The following SNX29 variants were observed in gnomAD, a reference collection of about 807,000 sequenced individuals.
SNX29 encodes the protein sorting nexin-29.
SNX29 carries 78 observed loss-of-function variants against 102.1 expected under a neutral mutation model. The ratio of observed to expected loss-of-function variants is 0.76; its 90% CI spans 0.64 to 0.92. The LOEUF (loss-of-function observed/expected upper bound fraction) is 0.92, where lower values mean the gene tolerates loss of function less well. Ranked by LOEUF, SNX29 falls within the 40% of genes least tolerant of loss-of-function variation. SNX29 has a pLI of 0.00. For missense variants in SNX29, 1,280 were observed against 1,061.7 expected (o/e 1.21, Z -2.86); for synonymous variants, 580 against 414.5 (o/e 1.40, Z -4.85).
chr16:12,399,028 C>A (rs2083834099), intron 17 of SNX29, among the ~76,000 whole-genome samples: 1 of 152,098 alleles, frequency 6.6e-6, no homozygotes, highest in Non-Finnish European at 1.5e-5. Context: ...TCTGCTGAGC[C>A]ACCCATAGGG....
chr16:12,355,797 G>C (rs1438574421), intron 15 of SNX29, among the ~76,000 whole-genome samples: 4 of 139,886 alleles, frequency 2.9e-5, no homozygotes, highest in African/African-American at 1.1e-4. Context: ...GGGCTCTGGT[G>C]TCAGTTCCTT....
rs570576680 is a variant in SNX29, at chr16:12,414,342, C to G, written c.2037+10813C>G. Reference sequence around the variant, plus strand: ...TGAGCTATGATCACACCGCTGCACTCCAGCCTGGGTGACAGCAAGACCTCA... The same window carrying G: ...TGAGCTATGATCACACCGCTGCACTGCAGCCTGGGTGACAGCAAGACCTCA... On this transcript the variant is annotated intron_variant, in intron 18 of 20. Coordinates refer to ENST00000566228, the MANE Select transcript of SNX29 (RefSeq NM_032167.5). Among the ~76,000 whole-genome samples the G allele has an allele frequency of 4.2e-4, 64 of 152,138 alleles. 1 individual carries two copies. Among genetic ancestry groups the G allele is most frequent in the Non-Finnish European group, 1.5e-4 (10 of 68,034 alleles).
chr16:12,332,280 G>T (rs1311536922), intron 15 of SNX29, among the ~76,000 whole-genome samples: 2 of 152,142 alleles, frequency 1.3e-5, no homozygotes, highest in Non-Finnish European at 1.5e-5. Flanking sequence ...GCATATGCAT[G>T]CACAAGTGCG....
intron 11 of SNX29, among the ~76,000 whole-genome samples, chr16:12,112,815 T>C (rs2053551892): frequency 6.6e-6 from 1 of 152,222 alleles, no homozygotes; most frequent in Non-Finnish European, 1.5e-5. Flanking sequence ...TGCAGGTACC[T>C]GCACTGGGTA....
At chr16:12,408,802 A>G (rs1382952304) in intron 18 of SNX29, among the ~76,000 whole-genome samples, 1 of 152,210 alleles carries the variant, frequency 6.6e-6, no homozygotes, top group African/African-American at 2.4e-5. Context: ...CCTGGGGGAC[A>G]GGAACAAAAC....
chr16:12,534,450 C>T (rs887964170), intron 20 of SNX29, among the ~76,000 whole-genome samples: 3 of 152,196 alleles, frequency 2.0e-5, no homozygotes, highest in African/African-American at 7.2e-5. Context: ...AGAAAGAACG[C>T]AGATTAGGGA....
intron 16 of SNX29, chr16:12,374,749 C>A (rs1754047535): frequency 6.6e-6 from 1 of 152,142 alleles, no homozygotes; most frequent in African/African-American, 2.4e-5. Flanking sequence ...GGCCAAGGCT[C>A]ACCCCCAGAT....
chr16:12,327,431 C>T (rs2081152359), intron 15 of SNX29, among the ~76,000 whole-genome samples: 1 of 151,980 alleles, frequency 6.6e-6, no homozygotes, highest in Admixed American at 6.6e-5. Context: ...AAGGTGTCGG[C>T]AGGGTTGTTT....
At chr16:12,446,059 T>C (rs1597403895) in intron 18 of SNX29, among the ~76,000 whole-genome samples, 1 of 146,786 alleles carries the variant, frequency 6.8e-6, no homozygotes, top group East Asian at 2.0e-4. Flanking sequence ...TTTTTTTTTT[T>C]TTTTTTTTTT....
chr16:12,143,028 G>A (rs553114751), intron 13 of SNX29, among the ~76,000 whole-genome samples: 25 of 149,986 alleles, frequency 1.7e-4, no homozygotes, highest in African/African-American at 4.7e-4. Flanking sequence ...GCAGAGTTTC[G>A]CTCTTGTTGC....
intron 14 of SNX29, among the ~76,000 whole-genome samples, chr16:12,237,365 G>A (rs1425957048): frequency 3.3e-5 from 5 of 152,212 alleles, no homozygotes; most frequent in Admixed American, 6.5e-5. Flanking sequence ...TGCTTTATGC[G>A]CTTATCTCTA....
chr16:12,471,931 T>G (rs1412133110), intron 18 of SNX29, among the ~76,000 whole-genome samples: 3 of 152,238 alleles, frequency 2.0e-5, no homozygotes, highest in African/African-American at 7.2e-5. Flanking sequence ...GCTTTATGAT[T>G]TCACTTTTCA....
intron 14 of SNX29, among the ~76,000 whole-genome samples, chr16:12,204,304 A>G (rs1322586910): frequency 6.6e-6 from 1 of 152,174 alleles, no homozygotes; most frequent in East Asian, 1.9e-4. Context: ...TTAGTTTTCT[A>G]TAGCTCATGT....
intron 19 of SNX29, among the ~76,000 whole-genome samples, chr16:12,518,606 A>C (rs966450208): frequency 6.6e-6 from 1 of 151,980 alleles, no homozygotes; most frequent in South Asian, 2.1e-4. Flanking sequence ...TTCCCTGAGC[A>C]CCTGTGGGTT....
chr16:12,109,940 A>C (rs1215133438), intron 11 of SNX29, among the ~76,000 whole-genome samples: 1 of 152,136 alleles, frequency 6.6e-6, no homozygotes, highest in East Asian at 1.9e-4. Flanking sequence ...CACGTTGGCC[A>C]GGCTGGTCTT....
chr16:12,013,500 A>AAATATATATATATATAT, intron 3 of SNX29, among the ~76,000 whole-genome samples: 4 of 31,624 alleles, frequency 1.3e-4, no homozygotes, highest in African/African-American at 2.9e-4. Context: ...AAAAAAAAAA[A>AAATATATATATATATAT]ATATATATAT....
intron 8 of SNX29, chr16:12,052,590 C>T: frequency 4.0e-6 from 1 of 248,150 alleles, no homozygotes; most frequent in South Asian, 5.3e-5. Context: ...AATAGGTCTG[C>T]AAGCTTTATA....
chr16:12,480,317 T>G (rs1276180320), intron 19 of SNX29, among the ~76,000 whole-genome samples: 2 of 152,184 alleles, frequency 1.3e-5, no homozygotes, highest in South Asian at 4.1e-4. Context: ...CTTTTTCAGC[T>G]TCTCAAGGCC....
Position 12,519,489 on chromosome 16 carries a change from T to G in SNX29, c.2179-5213T>G, listed in dbSNP as rs114496669. Among the ~76,000 whole-genome samples the G allele has an allele frequency of 8.5e-3, 1,288 of 152,314 alleles. 23 individuals are homozygous for G. The highest frequency in any genetic ancestry group is 0.03 in the African/African-American group (1,233 of 41,550). On this transcript the variant is annotated intron_variant, in intron 19 of 20. Coordinates refer to ENST00000566228, the MANE Select transcript of SNX29 (RefSeq NM_032167.5). ...TCATTAATTTTGTTACAGGTGATTA[T>G]GCCATTGTGGTCAAATGGGAAAATG...
Sources: gnomAD v4.1 joint callset for allele counts (sites outside exome capture counted in the v4.1 genomes callset) on GRCh38, gnomAD v4.1.1 for gene constraint, MANE v1.5 for transcripts, NCBI Gene and HGNC (gene_info 2026-07-23, HGNC 2026-07-21) for gene names.